HK2: variants seen among roughly 807,000 people sequenced by gnomAD.
HK2 encodes hexokinase 2.
Under a neutral mutation model 92.9 loss-of-function variants are expected in HK2, and 42 were observed. The ratio of observed to expected loss-of-function variants is 0.45; its 90% CI spans 0.35 to 0.58. HK2 has a LOEUF of 0.58. Among genes scored for constraint, HK2 ranks in the 20% least tolerant of loss-of-function variants. The pLI is 0.00. For synonymous variants in HK2, 422 were observed against 468.0 expected (o/e 0.90, Z 1.27); for missense variants, 978 against 1,245.1 (o/e 0.79, Z 3.23).
At chr2:74,888,736 A>T (rs1393903911) in intron 16 of HK2, among the ~76,000 whole-genome samples, 1 of 152,258 alleles carries the variant, frequency 6.6e-6, no homozygotes, top group East Asian at 1.9e-4. Flanking sequence ...GGCTTCTAAA[A>T]TAGCTTTCTT....
intron 2 of HK2, among the ~76,000 whole-genome samples, chr2:74,857,577 T>C (rs1688723631): frequency 2.0e-5 from 3 of 152,118 alleles, no homozygotes; most frequent in Non-Finnish European, 2.9e-5. Context: ...ACCTGGGAGA[T>C]GGAGGTTGCA....
At chr2:74,865,577 G>A (rs1388910525) in intron 2 of HK2, among the ~76,000 whole-genome samples, 2 of 152,124 alleles carry the variant, frequency 1.3e-5, no homozygotes, top group Admixed American at 1.3e-4. Context: ...GAGCTGGAGT[G>A]TCTGGAAAAG....
chr2:74,838,070 G>C (rs1467942343), intron 1 of HK2, among the ~76,000 whole-genome samples: 1 of 152,082 alleles, frequency 6.6e-6, no homozygotes, highest in Non-Finnish European at 1.5e-5. Context: ...TTTTCTTTCT[G>C]CTTCCTTCTC....
At chr2:74,857,161 G>C (rs935714357) in intron 2 of HK2, among the ~76,000 whole-genome samples, 1 of 152,122 alleles carries the variant, frequency 6.6e-6, no homozygotes, top group African/African-American at 2.4e-5. Context: ...CCCTCCCTCC[G>C]CATTTGCAGG....
chr2:74,867,490 A>T, intron 2 of HK2, 146 bp from the exon 3 acceptor site: 1 of 769,970 alleles, frequency 1.3e-6, no homozygotes, highest in Non-Finnish European at 2.3e-6. Context: ...ATGAAATTAG[A>T]CTATATGTAA....
intron 2 of HK2, among the ~76,000 whole-genome samples, chr2:74,857,847 T>A (rs1688729249): frequency 2.0e-5 from 3 of 152,058 alleles, no homozygotes; most frequent in Admixed American, 2.0e-4. Flanking sequence ...AAGGCCGAGG[T>A]GAAGTTGTGT....
At chr2:74,889,188 A>T (rs1485755318) in intron 16 of HK2, 57 bp from the exon 17 acceptor site, 1 of 1,420,698 alleles carries the variant, frequency 7.0e-7, no homozygotes, top group African/African-American at 1.4e-5. Context: ...CTGGTGTGGT[A>T]GGCTACCAGC....
intron 1 of HK2, chr2:74,835,209 C>T (rs1025572718): frequency 6.0e-6 from 1 of 166,018 alleles, no homozygotes; most frequent in African/African-American, 2.4e-5. Flanking sequence ...GAACTCCGCC[C>T]GCCGCGCCCC....
At chr2:74,873,983 G>A (rs779379546) in intron 6 of HK2, 40 bp downstream of exon 6, 21 of 1,475,018 alleles carry the variant, frequency 1.4e-5, no homozygotes, top group Non-Finnish European at 2.0e-5. Flanking sequence ...TGCTGGCCAA[G>A]GGATGGGGGT....
chr2:74,856,008 A>C lies in HK2; in HGVS notation c.226+1553A>C, dbSNP rs113824334. Among the ~76,000 whole-genome samples, 5 of 152,274 alleles carry C rather than the reference A, an allele frequency of 3.3e-5. 1 individual carries two copies. The highest frequency in any genetic ancestry group is 1.2e-4 in the African/African-American group (5 of 41,562). On this transcript the variant is annotated intron_variant, in intron 2 of 17. Transcript: ENST00000290573. ...TGGTGGGTGGGGGGTAGGTACTCAC[A>C]TCTAGAGGACAGGAGAGAGAACCCA...
intron 1 of HK2, among the ~76,000 whole-genome samples, chr2:74,839,983 T>C (rs1421555238): frequency 3.0e-5 from 3 of 101,454 alleles, no homozygotes; most frequent in African/African-American, 1.2e-4. Context: ...TGAGATGGAG[T>C]CTCACTCTGT....
chr2:74,835,307 C>T (rs1267925159), intron 1 of HK2: 2 of 158,262 alleles, frequency 1.3e-5, no homozygotes, highest in East Asian at 1.9e-4. Context: ...CTCGGGACCG[C>T]CCAGCCTCGT....
rs1447819570 is a variant in HK2, at chr2:74,890,805, A to G, written c.2618A>G (p.Lys873Arg). The change falls in exon 18 of 18, where the codon AAA becomes AGA. Residue 873 changes from lysine to arginine, a missense_variant. Lys to Arg is a conservative substitution (Grantham distance 26). Transcript: ENST00000290573. ...TLYKLHPHFA[K>R]VMHETVKDLA... Reference sequence around the variant, plus strand: ...CCTCCCACCTTTTCCAGCTTTGCCAAAGTCATGCATGAGACAGTGAAGGAC... The same window carrying G: ...CCTCCCACCTTTTCCAGCTTTGCCAGAGTCATGCATGAGACAGTGAAGGAC... 1.9e-6 allele frequency: 3 copies of G among 1,614,038 alleles called. No homozygotes were observed. The highest frequency in any genetic ancestry group is 2.2e-5 in the South Asian group (2 of 91,080).
rs28363052 is a variant in HK2, at chr2:74,887,030, C to T, written c.2219+357C>T. Among the ~76,000 whole-genome samples, 499 of 152,336 alleles carry T rather than the reference C, an allele frequency of 3.3e-3. 4 individuals carry two copies. Among genetic ancestry groups the T allele is most frequent in the African/African-American group, 0.011 (456 of 41,572 alleles). ...CTCTCCCTCCTCCATCTTCCAGCGCCGAGCACCACCTACTGTCAGAATTGA... is the reference window on the plus strand; with the variant it reads ...CTCTCCCTCCTCCATCTTCCAGCGCTGAGCACCACCTACTGTCAGAATTGA... On this transcript the variant is annotated intron_variant, in intron 15 of 17. Coordinates refer to ENST00000290573, the MANE Select transcript of HK2 (RefSeq NM_000189.5).
At chr2:74,840,878 CAAAAAAA>C (rs56344068) in intron 1 of HK2, among the ~76,000 whole-genome samples, 279 of 55,966 alleles carry the variant, frequency 5.0e-3, no homozygotes, top group African/African-American at 0.021. Flanking sequence ...GACTCTGTCT[CAAAAAAA>C]AAAAAAAAAA....
At chr2:74,881,674 T>C (rs1689395191) in intron 10 of HK2, 37 bp from the exon 11 acceptor site, 1 of 1,611,856 alleles carries the variant, frequency 6.2e-7, no homozygotes, top group Admixed American at 1.7e-5. Flanking sequence ...CCCCATGTTC[T>C]GCCCCAACTT....
intron 9 of HK2, among the ~76,000 whole-genome samples, chr2:74,879,623 G>A (rs1209324549): frequency 6.6e-6 from 1 of 152,154 alleles, no homozygotes; most frequent in Non-Finnish European, 1.5e-5. Flanking sequence ...CTGAGATCCC[G>A]CATCTCTAAC....
At chr2:74,885,740 G>A (rs1221806976) in intron 13 of HK2, 151 bp downstream of exon 13, 1 of 700,934 alleles carries the variant, frequency 1.4e-6, no homozygotes, top group Non-Finnish European at 2.6e-6. Context: ...AGTGTGCACT[G>A]TGTGTCAAGC....
intron 3 of HK2, among the ~76,000 whole-genome samples, chr2:74,871,230 G>A (rs1261219513): frequency 6.6e-6 from 1 of 152,210 alleles, no homozygotes; most frequent in Admixed American, 6.5e-5. Flanking sequence ...CCCAGGTTAA[G>A]GGAGTGAGGT....
Sources: gnomAD v4.1 joint callset for allele counts (sites outside exome capture counted in the v4.1 genomes callset) on GRCh38, gnomAD v4.1.1 for gene constraint, MANE v1.5 for transcripts, NCBI Gene and HGNC (gene_info 2026-07-23, HGNC 2026-07-21) for gene names.